The following IL1RAPL1 variants were observed in gnomAD, a reference collection of about 807,000 sequenced individuals.
IL1RAPL1 encodes interleukin-1 receptor accessory protein-like 1.
A neutral mutation model predicts 48.4 loss-of-function variants in IL1RAPL1; 3 were observed. The ratio of observed to expected loss-of-function variants is 0.06; its 90% CI spans 0.03 to 0.16. IL1RAPL1 has a LOEUF of 0.16. Among genes scored for constraint, IL1RAPL1 ranks in the 10% least tolerant of loss-of-function variants. The pLI, the probability that IL1RAPL1 is intolerant of heterozygous loss-of-function variation, is 1.00. For synonymous variants in IL1RAPL1, 185 were observed against 187.7 expected, an observed-to-expected ratio of 0.99 and a Z score of 0.12; for missense variants, 349 against 530.6, an observed-to-expected ratio of 0.66 and a Z score of 3.36.
intron 6 of IL1RAPL1, among the ~76,000 whole-genome samples, chrX:29,890,279 A>G (rs1412458829): frequency 8.9e-6 from 1 of 111,883 alleles, no homozygotes; most frequent in Non-Finnish European, 1.9e-5. Flanking sequence ...GAGGGAGGCC[A>G]TAGCTTTAGT....
chrX:29,465,974 C>T (rs1276960139), intron 5 of IL1RAPL1, among the ~76,000 whole-genome samples: 1 of 112,317 alleles, frequency 8.9e-6, no homozygotes, highest in East Asian at 2.8e-4. Flanking sequence ...ACTATTGGGA[C>T]ACAGCTCAGG....
intron 3 of IL1RAPL1, among the ~76,000 whole-genome samples, chrX:29,334,104 G>A (rs1932935428): frequency 1.1e-5 from 1 of 87,466 alleles, no homozygotes; most frequent in Non-Finnish European, 2.3e-5. Context: ...CGGACGGGGC[G>A]GCTGGCCGGG....
chrX:29,799,690 G>C (rs925908334), intron 6 of IL1RAPL1, among the ~76,000 whole-genome samples: 1 of 112,240 alleles, frequency 8.9e-6, no homozygotes, highest in Non-Finnish European at 1.9e-5. Context: ...GTGGCTAGTG[G>C]CTACCATAGT....
chrX:28,861,393 A>G, intron 2 of IL1RAPL1, among the ~76,000 whole-genome samples: 1 of 112,128 alleles, frequency 8.9e-6, no homozygotes, highest in Admixed American at 9.5e-5. Context: ...GCTAAAATTC[A>G]AGATGAACGC....
intron 3 of IL1RAPL1, among the ~76,000 whole-genome samples, chrX:29,372,850 A>T (rs1476203095): frequency 1.0e-5 from 1 of 98,631 alleles, no homozygotes; most frequent in Admixed American, 1.2e-4. Context: ...GTTCAAAGTC[A>T]GGTAGTGTGA....
intron 6 of IL1RAPL1, among the ~76,000 whole-genome samples, chrX:29,914,683 T>C (rs1353939343): frequency 1.1e-4 from 2 of 17,532 alleles, no homozygotes; most frequent in African/African-American, 2.1e-4. Context: ...CAGATAGTCC[T>C]GGTACAAAAA....
intron 2 of IL1RAPL1, among the ~76,000 whole-genome samples, chrX:28,973,782 T>A (rs1925140309): frequency 8.9e-6 from 1 of 112,159 alleles, no homozygotes; most frequent in Non-Finnish European, 1.9e-5. Flanking sequence ...CCTTTAAAGC[T>A]CTTGTATCTA....
At chrX:29,623,780 A>C (rs971040616) in intron 5 of IL1RAPL1, among the ~76,000 whole-genome samples, 21 of 112,398 alleles carry the variant, frequency 1.9e-4, no homozygotes, top group Non-Finnish European at 3.6e-4. Flanking sequence ...AATTCATTAG[A>C]GAGGAATTCC....
chrX:29,327,939 C>T (rs1932853235), intron 3 of IL1RAPL1, among the ~76,000 whole-genome samples: 1 of 111,954 alleles, frequency 8.9e-6, no homozygotes, highest in African/African-American at 3.2e-5. Context: ...TTTATGAATG[C>T]TAGCTGTAGG....
At chrX:28,863,761 G>A (rs1269991060) in intron 2 of IL1RAPL1, among the ~76,000 whole-genome samples, 1 of 111,328 alleles carries the variant, frequency 9.0e-6, no homozygotes, top group African/African-American at 3.3e-5. Flanking sequence ...TGAGTGTTTC[G>A]ATTGCATATT....
intron 3 of IL1RAPL1, among the ~76,000 whole-genome samples, chrX:29,322,127 C>T (rs1013527558): frequency 2.7e-5 from 3 of 110,601 alleles, no homozygotes; most frequent in African/African-American, 9.8e-5. Context: ...ATGTTTATTG[C>T]TTGTAGTCTT....
At chrX:28,763,180 C>G (rs1486696612) in intron 1 of IL1RAPL1, among the ~76,000 whole-genome samples, 2 of 111,012 alleles carry the variant, frequency 1.8e-5, no homozygotes, top group Non-Finnish European at 3.8e-5. Context: ...GATAAGTAGC[C>G]TAGACTCTTA....
chrX:29,107,128 T>C (rs758385264), intron 2 of IL1RAPL1, among the ~76,000 whole-genome samples: 1 of 112,407 alleles, frequency 8.9e-6, no homozygotes, highest in South Asian at 3.6e-4. Context: ...GTAAGTACTT[T>C]TTTTCTTCCA....
At chrX:29,077,510 G>A (rs767727037) in intron 2 of IL1RAPL1, among the ~76,000 whole-genome samples, 3 of 108,715 alleles carry the variant, frequency 2.8e-5, no homozygotes, top group Non-Finnish European at 3.8e-5. Flanking sequence ...GGCTGAGGTC[G>A]GAGAATCGCT....
At chrX:29,730,577 C>T (rs899737188) in intron 6 of IL1RAPL1, among the ~76,000 whole-genome samples, 1 of 111,832 alleles carries the variant, frequency 8.9e-6, no homozygotes, top group African/African-American at 3.3e-5. Context: ...CTTTTTAGGG[C>T]CTTATCCTCT....
At chrX:29,139,663 C>T (rs981696905) in intron 2 of IL1RAPL1, among the ~76,000 whole-genome samples, 1 of 111,337 alleles carries the variant, frequency 9.0e-6, no homozygotes, top group African/African-American at 3.3e-5. Context: ...TTCTGTGTAT[C>T]TTCTTCATTC....
chrX:28,868,358 A>G (rs1020436410), intron 2 of IL1RAPL1, among the ~76,000 whole-genome samples: 1 of 112,034 alleles, frequency 8.9e-6, no homozygotes, highest in African/African-American at 3.2e-5. Context: ...GAACTGTGTT[A>G]AAGACTGAAT....
Position 29,119,105 on chromosome X carries a change from CATAAAT to C in IL1RAPL1, c.83-163829_83-163824del, listed in dbSNP as rs753259346. 2.4e-4 allele frequency among the ~76,000 whole-genome samples: 27 copies of C among 110,414 alleles called. No homozygotes were observed. The East Asian group carries it at 4.5e-3, about 18-fold the overall frequency. On this transcript the variant is annotated intron_variant, in intron 2 of 10. Coordinates refer to ENST00000378993, the MANE Select transcript of IL1RAPL1 (RefSeq NM_014271.4). Reference sequence around the variant, plus strand: ...GTTTAAAAAATGCAATATATGTTCTCATAAATATATGTAAATATGTATCATATATAG... The same window carrying C: ...GTTTAAAAAATGCAATATATGTTCTCATATGTAAATATGTATCATATATAG...
chrX:28,980,070 A>T, intron 2 of IL1RAPL1, among the ~76,000 whole-genome samples: 1 of 112,365 alleles, frequency 8.9e-6, no homozygotes. Flanking sequence ...GCTAAGACTC[A>T]GTGTGATTTA....
Sources: allele counts gnomAD v4.1 joint callset (sites outside exome capture counted in the v4.1 genomes callset), GRCh38; gene constraint gnomAD v4.1.1; transcripts MANE v1.5; gene names NCBI Gene and HGNC (gene_info 2026-07-23, HGNC 2026-07-21).